Variants in GGT7 observed in about 807,000 individuals in gnomAD.
GGT7 encodes glutathione hydrolase 7.
Under a neutral mutation model 69.2 loss-of-function variants are expected in GGT7, and 30 were observed. The observed-to-expected ratio is 0.43, with a 90% CI of 0.32 to 0.59. The LOEUF (loss-of-function observed/expected upper bound fraction) is 0.59, where lower values mean the gene tolerates loss of function less well. Ranked by LOEUF, GGT7 falls within the 20% of genes least tolerant of loss-of-function variation. The pLI, the probability that GGT7 is intolerant of heterozygous loss-of-function variation, is 0.05. For missense variants in GGT7, 733 were observed against 901.1 expected, an observed-to-expected ratio of 0.81 and a Z score of 2.39; for synonymous variants, 388 against 391.8, an observed-to-expected ratio of 0.99 and a Z score of 0.12.
At chr20:34,861,997 G>A (rs367810433) in intron 3 of GGT7, among the ~76,000 whole-genome samples, 5 of 152,260 alleles carry the variant, frequency 3.3e-5, no homozygotes, top group African/African-American at 7.2e-5. Flanking sequence ...TCTTTGGTAC[G>A]GCTTGGAGAG....
chr20:34,863,300 T>C lies in GGT7; in HGVS notation c.405+13A>G. ...TCCCCAGTTTCCTCCCCCTCCCCAT[T>C]TGTCCCCCTCACCTGGGGGTCCCCG... On this transcript the variant is annotated intron_variant, in intron 2 of 14. Transcript: ENST00000336431. This position sits in a 1 kb window ranked among gnomAD's most constrained non-coding sequence, Gnocchi z 4.4. 1 of 1,585,538 alleles carries C rather than the reference T, an allele frequency of 6.3e-7. No homozygotes were observed.
At chr20:34,864,245 G>A (rs909687712) in intron 1 of GGT7, among the ~76,000 whole-genome samples, 1 of 152,154 alleles carries the variant, frequency 6.6e-6, no homozygotes, top group African/African-American at 2.4e-5. Context: ...ACTAAGGGAT[G>A]AGAAGGAGCC....
At chr20:34,856,000 C>T (rs1265917136) in intron 8 of GGT7, among the ~76,000 whole-genome samples, 2 of 152,074 alleles carry the variant, frequency 1.3e-5, no homozygotes, top group East Asian at 3.9e-4. Flanking sequence ...ACTATGTTGC[C>T]CAGGCTGGTC....
intron 1 of GGT7, among the ~76,000 whole-genome samples, chr20:34,866,727 A>G (rs1201751484): frequency 1.3e-5 from 2 of 151,938 alleles, no homozygotes; most frequent in Non-Finnish European, 2.9e-5. Flanking sequence ...TTACAGGCAC[A>G]TGCCACCACG....
At chr20:34,864,724 A>AG (rs1413410707) in intron 1 of GGT7, among the ~76,000 whole-genome samples, 10 of 127,282 alleles carry the variant, frequency 7.9e-5, no homozygotes, top group African/African-American at 3.1e-4. Flanking sequence ...CTGTCTCAAA[A>AG]GAAAAAAAAA....
In GGT7 at chr20:34,863,505, T is replaced by C; in HGVS notation, c.213A>G (p.Pro71=). ...FLKSARLQRL[P]SSSSEMGSQD... The stretch of plus-strand genomic sequence containing the variant: ...GGCTGCCCATCTCCGACGACGACGA[T>C]GGCAGCCGCTGCAGCCGTGCAGACT... The change falls in exon 2 of 15, where the codon CCA becomes CCG. Residue 71 remains proline, a synonymous_variant. Coordinates refer to ENST00000336431, the MANE Select transcript of GGT7 (RefSeq NM_178026.3). This position sits in a 1 kb window ranked among gnomAD's most constrained non-coding sequence, Gnocchi z 4.4. 3.1e-6 allele frequency: 5 copies of C among 1,598,498 alleles called. No homozygotes were observed. Among genetic ancestry groups the C allele is most frequent in the South Asian group, 2.2e-5 (2 of 89,410 alleles).
At position 34,863,221 on chromosome 20, in the gene GGT7, C is replaced by T. The variant is rs1305359656; in HGVS notation, c.405+92G>A. ...GTCACCACCCTCTCTCCCCTTCTAC[C>T]ACTCAGCCATTCCCCAGTTTCCACA... is the stretch of plus-strand genomic sequence containing the variant. On this transcript the variant is annotated intron_variant, in intron 2 of 14. Transcript: ENST00000336431. This position sits in a 1 kb window ranked among gnomAD's most constrained non-coding sequence, Gnocchi z 4.4. The T allele has an allele frequency of 3.0e-6, 3 of 1,002,464 alleles. No homozygotes were observed. Among genetic ancestry groups the T allele is most frequent in the African/African-American group, 1.6e-5 (1 of 62,608 alleles). 62.1% of individuals were successfully genotyped at this position (1,002,464 alleles called of 1,614,324 possible). A position where few individuals can be genotyped will look rare whatever the true frequency, so the allele number is the denominator to read the frequency against.
chr20:34,863,189 C>T lies in GGT7; in HGVS notation c.405+124G>A. ...GAGCTCCTCTCTTTGGGACCTTCCT[C>T]TCCCAAGTCACCACCCTCTCTCCCC... On this transcript the variant is annotated intron_variant, in intron 2 of 14. Transcript: ENST00000336431. This position sits in a 1 kb window ranked among gnomAD's most constrained non-coding sequence, Gnocchi z 4.4. 1 of 841,920 alleles carries T rather than the reference C, an allele frequency of 1.2e-6. No homozygotes were observed. The highest frequency in any genetic ancestry group is 1.9e-6 in the Non-Finnish European group (1 of 528,664). 52.2% of individuals were successfully genotyped at this position (841,920 alleles called of 1,614,324 possible).
At chr20:34,870,633 T>G (rs2079762956) in intron 1 of GGT7, among the ~76,000 whole-genome samples, 1 of 148,384 alleles carries the variant, frequency 6.7e-6, no homozygotes, top group African/African-American at 2.5e-5. Context: ...CCTGGCTAAT[T>G]TTTTTTTTTT....
At chr20:34,852,948 A>AT (rs11387013) in intron 10 of GGT7, among the ~76,000 whole-genome samples, 40,065 of 150,212 alleles carry the variant, frequency 0.27, 6,695 homozygotes, top group Non-Finnish European at 0.37. Flanking sequence ...GTATATGAGG[A>AT]TTTTTTTTTT....
rs375979010 is a variant in GGT7 at position 34,863,475 on chromosome 20, G to A, written c.243C>T (p.Asp81=). ...PSSSSEMGSQ[D]GSPLRETRKD... is the part of the protein sequence containing the mutation. ...TGCGCGTCTCGCGTAGCGGCGACCC[G>A]TCTTGGCTGCCCATCTCCGACGACG... Residue 81 remains aspartate (D), a synonymous_variant, in exon 2 of 15, where the codon GAC becomes GAT. Coordinates refer to ENST00000336431, the MANE Select transcript of GGT7 (RefSeq NM_178026.3). The surrounding 1 kb of genome is among the most constrained non-coding windows in gnomAD (Gnocchi z 4.4). 6.8e-5 allele frequency: 109 copies of A among 1,608,870 alleles called. No homozygotes were observed. The highest frequency in any genetic ancestry group is 8.9e-5 in the Non-Finnish European group (105 of 1,178,200).
At chr20:34,857,137 T>A (rs1176382050) in intron 7 of GGT7, among the ~76,000 whole-genome samples, 1 of 152,136 alleles carries the variant, frequency 6.6e-6, no homozygotes, top group African/African-American at 2.4e-5. Flanking sequence ...ATGAATGACC[T>A]CCTTAGCTTG....
Position 34,863,461 on chromosome 20 carries a change from C to T in GGT7, c.257G>A (p.Arg86His). 2 of 1,611,280 alleles carry T rather than the reference C, an allele frequency of 1.2e-6. No individual in the cohort carries two copies. The highest frequency in any genetic ancestry group is 8.5e-7 in the Non-Finnish European group (1 of 1,179,142). Residue 86 changes from arginine to histidine, a missense_variant, in exon 2 of 15, where the codon CGC (arginine) becomes CAC (histidine). By Grantham distance (29) the Arg-to-His change is conservative (BLOSUM62 0). Coordinates refer to ENST00000336431, the MANE Select transcript of GGT7 (RefSeq NM_178026.3). This position sits in a 1 kb window ranked among gnomAD's most constrained non-coding sequence, Gnocchi z 4.4. ...EMGSQDGSPLRETRKDPFSAA... is the reference protein window; with the variant it reads ...EMGSQDGSPLHETRKDPFSAA... ...GGAGAACGGGTCTTTGCGCGTCTCG[C>T]GTAGCGGCGACCCGTCTTGGCTGCC...
At chr20:34,846,698 C>T (rs1165984744) in intron 14 of GGT7, among the ~76,000 whole-genome samples, 1 of 152,120 alleles carries the variant, frequency 6.6e-6, no homozygotes, top group Non-Finnish European at 1.5e-5. Context: ...CTGCTCAAAG[C>T]CCTCCAACAG....
intron 10 of GGT7, among the ~76,000 whole-genome samples, chr20:34,853,857 C>G (rs1263774283): frequency 6.6e-6 from 1 of 152,186 alleles, no homozygotes; most frequent in Non-Finnish European, 1.5e-5. Context: ...GGCAGTCTCA[C>G]CAGAGCCCAC....
chr20:34,867,063 CTTGTTG>C (rs372987226), intron 1 of GGT7, among the ~76,000 whole-genome samples: 7 of 151,696 alleles, frequency 4.6e-5, no homozygotes, highest in Non-Finnish European at 8.8e-5. Flanking sequence ...CTAGAAATGT[CTTGTTG>C]TTGTTGTTGT....
chr20:34,872,646 C>T lies in GGT7; in HGVS notation c.169+1G>A. Reference sequence around the variant, plus strand: ...GCAGGGACGGGGTCAGCGGGCCTCACCGGTGTCGGGGTCTCCCAGAAAGGC... The same window carrying T: ...GCAGGGACGGGGTCAGCGGGCCTCATCGGTGTCGGGGTCTCCCAGAAAGGC... On this transcript the variant is annotated splice_donor_variant, in intron 1 of 14. Transcript: ENST00000336431. LOFTEE classifies it high-confidence loss of function. The T allele has an allele frequency of 6.8e-7, 1 of 1,465,148 alleles. No individual in the cohort carries two copies. The highest frequency in any genetic ancestry group is 2.8e-5 in the East Asian group (1 of 36,204). 90.8% of individuals were successfully genotyped at this position (1,465,148 alleles called of 1,614,324 possible). A position where few individuals can be genotyped will look rare whatever the true frequency, so the allele number is the denominator to read the frequency against.
chr20:34,861,376 T>C (rs746831802), intron 4 of GGT7, 69 bp downstream of exon 4: 3 of 695,252 alleles, frequency 4.3e-6, no homozygotes, highest in Admixed American at 5.1e-5. Context: ...AGCAAATTAA[T>C]GCTTGGGTTA....
At chr20:34,848,445 C>T (rs2079333565) in intron 14 of GGT7, among the ~76,000 whole-genome samples, 1 of 152,252 alleles carries the variant, frequency 6.6e-6, no homozygotes, top group Admixed American at 6.5e-5. Flanking sequence ...CCATCTTACA[C>T]TAAGGCCCTG....
Sources: allele counts gnomAD v4.1 joint callset (sites outside exome capture counted in the v4.1 genomes callset), GRCh38; gene constraint gnomAD v4.1.1; non-coding constraint Gnocchi (gnomAD v3.1); transcripts MANE v1.5; gene names NCBI Gene and HGNC (gene_info 2026-07-23, HGNC 2026-07-21).